Variants in FAM120B observed in about 807,000 individuals in gnomAD.
FAM120B encodes constitutive coactivator of peroxisome proliferator-activated receptor gamma.
A neutral mutation model predicts 96.3 loss-of-function variants in FAM120B; 83 were observed. That is an observed-to-expected ratio of 0.86 (90% confidence interval 0.72 to 1.03). The LOEUF is 1.03. Among genes scored for constraint, FAM120B ranks in the 50% least tolerant of loss-of-function variants. The pLI is 0.00. For synonymous variants in FAM120B, 407 were observed against 402.7 expected, an observed-to-expected ratio of 1.01 and a Z score of -0.13; for missense variants, 1,027 against 1,121.2, an observed-to-expected ratio of 0.92 and a Z score of 1.20.
intron 4 of FAM120B, among the ~76,000 whole-genome samples, chr6:170,334,355 T>G (rs978417111): frequency 2.0e-5 from 3 of 152,238 alleles, no homozygotes; most frequent in Non-Finnish European, 2.9e-5. Context: ...TGAGGGTAAG[T>G]CATACATTTC....
Position 170,404,107 on chromosome 6 carries a change from A to T in FAM120B, c.2693-443A>T, listed in dbSNP as rs140254898. 2.1e-3 allele frequency: 331 copies of T among 160,504 alleles called. 2 individuals carry two copies. Among genetic ancestry groups the T allele is most frequent in the Middle Eastern group, 0.012 (4 of 330 alleles). The allele number at this position is 160,504 out of a possible 1,614,324, so 9.9% of individuals were successfully genotyped here. On this transcript the variant is annotated intron_variant, in intron 9 of 10. Coordinates refer to ENST00000476287, the MANE Select transcript of FAM120B (RefSeq NM_032448.3). ...CTACTAGTAGGGAGGTTCTGCCCCG[A>T]GTCTCTTCCCAACGTTCCCTGTCTA...
intron 4 of FAM120B, among the ~76,000 whole-genome samples, chr6:170,339,309 A>C (rs1481424437): frequency 6.6e-6 from 1 of 151,976 alleles, no homozygotes; most frequent in Non-Finnish European, 1.5e-5. Context: ...GTTGATTTGC[A>C]GAAGAATTTT....
At chr6:170,401,223 C>T (rs1369774235) in intron 9 of FAM120B, among the ~76,000 whole-genome samples, 1 of 152,234 alleles carries the variant, frequency 6.6e-6, no homozygotes, top group Non-Finnish European at 1.5e-5. Context: ...CCCCAGTCGC[C>T]CCGGTCTTGC....
chr6:170,375,061 T>G (rs761398078), intron 6 of FAM120B, among the ~76,000 whole-genome samples: 3 of 152,204 alleles, frequency 2.0e-5, no homozygotes, highest in Non-Finnish European at 4.4e-5. Flanking sequence ...TTTCAGCCCC[T>G]TGGCCAGGTG....
At position 170,317,768 on chromosome 6, in the gene FAM120B, A is replaced by T. The variant is rs138355463; in HGVS notation, c.378A>T (p.Pro126=). The part of the protein sequence containing the change: ...FHYIKSHKEQ[P]GRNMFFIPSG... Reference sequence around the variant, plus strand: ...ACATCAAGTCACACAAGGAGCAGCCAGGCAGAAATATGTTCTTCATCCCCT... The same window carrying T: ...ACATCAAGTCACACAAGGAGCAGCCTGGCAGAAATATGTTCTTCATCCCCT... Residue 126 remains proline, a synonymous_variant, in exon 2 of 11, where the codon CCA becomes CCT. Coordinates refer to ENST00000476287, the MANE Select transcript of FAM120B (RefSeq NM_032448.3). The T allele has an allele frequency of 2.5e-6, 4 of 1,614,236 alleles. No homozygotes were observed. The highest frequency in any genetic ancestry group is 3.4e-6 in the Non-Finnish European group (4 of 1,180,038).
chr6:170,396,685 G>C (rs1008089975), intron 9 of FAM120B, among the ~76,000 whole-genome samples: 7 of 152,048 alleles, frequency 4.6e-5, no homozygotes, highest in Admixed American at 4.6e-4. Context: ...TAAACATAAG[G>C]GTCACTTCCA....
At chr6:170,328,326 C>T (rs1305394365) in intron 3 of FAM120B, among the ~76,000 whole-genome samples, 1 of 152,174 alleles carries the variant, frequency 6.6e-6, no homozygotes, top group Non-Finnish European at 1.5e-5. Context: ...TAGGACTCCA[C>T]GGGGTCAGGA....
chr6:170,307,123 C>T (rs1404550752), intron 1 of FAM120B, among the ~76,000 whole-genome samples: 1 of 152,266 alleles, frequency 6.6e-6, no homozygotes, highest in Admixed American at 6.5e-5. Context: ...GCGACCGTCG[C>T]CTTGCCTGCC....
rs112289938 is a variant in FAM120B at position 170,359,917 on chromosome 6, C to T, written c.2283+1599C>T. ...TTTTAAAATGTTAATTTTAAGTTAT[C>T]AGTAGGTTAATGTGCATTCTTCACG... On this transcript the variant is annotated intron_variant, in intron 6 of 10. Transcript: ENST00000476287. 1.5e-3 allele frequency among the ~76,000 whole-genome samples: 223 copies of T among 152,088 alleles called. 1 individual carries two copies. The highest frequency in any genetic ancestry group is 5.1e-3 in the African/African-American group (210 of 41,460).
chr6:170,296,132 C>T (rs1054589370), intron 1 of FAM120B, among the ~76,000 whole-genome samples: 1 of 152,142 alleles, frequency 6.6e-6, no homozygotes, highest in African/African-American at 2.4e-5. Context: ...ACCGCAGCAG[C>T]TGCTGCGGGC....
At chr6:170,306,661 A>G (rs1784299943), upstream of FAM120B, 7 of 152,076 alleles carry the variant, frequency 4.6e-5, no homozygotes, top group South Asian at 1.4e-3. Flanking sequence ...CCAACCCACG[A>G]CGCGGGCGCT....
At chr6:170,358,623 GGT>G (rs549499521) in intron 6 of FAM120B, among the ~76,000 whole-genome samples, 2 of 152,170 alleles carry the variant, frequency 1.3e-5, no homozygotes, top group African/African-American at 4.8e-5. Flanking sequence ...ATTAATTTCT[GGT>G]GTTAGCAGTT....
At position 170,405,738 on chromosome 6, in the gene FAM120B, G is replaced by A. The variant is rs373158960; in HGVS notation, c.*987G>A. On this transcript the variant is annotated 3_prime_UTR_variant, in exon 11 of 11. Coordinates refer to ENST00000476287, the MANE Select transcript of FAM120B (RefSeq NM_032448.3). The stretch of plus-strand genomic sequence containing the variant: ...TGGAAGAGTTAATTCTGCCTGGAGG[G>A]TTCTGCCTGGGAGACATGACAGCAT... 6.6e-6 allele frequency: 1 copy of A among 152,296 alleles called. No individual in the cohort carries two copies. 9.4% of individuals were successfully genotyped at this position (152,296 alleles called of 1,614,324 possible). A position where few individuals can be genotyped will look rare whatever the true frequency, so the allele number is the denominator to read the frequency against.
At chr6:170,381,970 A>G (rs527311542) in intron 6 of FAM120B, among the ~76,000 whole-genome samples, 2 of 152,314 alleles carry the variant, frequency 1.3e-5, no homozygotes, top group East Asian at 3.9e-4. Flanking sequence ...GTCTGTCCTC[A>G]CCACTCTTAT....
intron 9 of FAM120B, among the ~76,000 whole-genome samples, chr6:170,399,235 C>A (rs1444578915): frequency 4.5e-4 from 23 of 51,226 alleles, no homozygotes; most frequent in Admixed American, 6.9e-4. Context: ...TGTCATAACT[C>A]TTAGGAGTGA....
At chr6:170,366,446 C>T (rs940274206) in intron 6 of FAM120B, among the ~76,000 whole-genome samples, 2 of 152,184 alleles carry the variant, frequency 1.3e-5, no homozygotes, top group Non-Finnish European at 2.9e-5. Flanking sequence ...GCAGCTGAGT[C>T]TATTTGGCTG....
chr6:170,378,473 T>C (rs1789710536), intron 6 of FAM120B, among the ~76,000 whole-genome samples: 1 of 152,234 alleles, frequency 6.6e-6, no homozygotes, highest in Non-Finnish European at 1.5e-5. Context: ...GTAAAGTTTC[T>C]TGTCAGTTCA....
chr6:170,313,366 G>A (rs949924757), intron 1 of FAM120B, among the ~76,000 whole-genome samples: 3 of 152,144 alleles, frequency 2.0e-5, no homozygotes, highest in African/African-American at 4.8e-5. Context: ...AGCCATGGGG[G>A]AACATCACTG....
At position 170,315,236 on chromosome 6, in the gene FAM120B, C is replaced by T. The variant is rs151096384; in HGVS notation, c.-21-2134C>T. Among the ~76,000 whole-genome samples, 209 of 152,310 alleles carry T rather than the reference C, an allele frequency of 1.4e-3. 1 individual carries two copies. The highest frequency in any genetic ancestry group is 4.7e-3 in the African/African-American group (197 of 41,566). ...TGAGGCTTATCTTTGGCCAGCTCAT[C>T]ATCAGCAAACCATGCAAGGCCTGTT... On this transcript the variant is annotated intron_variant, in intron 1 of 10. Transcript: ENST00000476287.
Sources: gnomAD v4.1 joint callset for allele counts (sites outside exome capture counted in the v4.1 genomes callset) on GRCh38, gnomAD v4.1.1 for gene constraint, MANE v1.5 for transcripts, NCBI Gene and HGNC (gene_info 2026-07-23, HGNC 2026-07-21) for gene names.